The following MGAT5 variants were observed in gnomAD, a reference collection of about 807,000 sequenced individuals.
MGAT5 encodes the protein alpha-1,6-mannosylglycoprotein 6-beta-N-acetylglucosaminyltransferase.
A neutral mutation model predicts 94.3 loss-of-function variants in MGAT5; 30 were observed. That is an observed-to-expected ratio of 0.32 (90% CI 0.24 to 0.43). MGAT5 has a LOEUF of 0.43. MGAT5 is among the 20% of genes least tolerant of loss of function. The pLI, the probability that MGAT5 is intolerant of heterozygous loss-of-function variation, is 1.00. For synonymous variants in MGAT5, 310 were observed against 322.9 expected, an observed-to-expected ratio of 0.96 and a Z score of 0.43; for missense variants, 691 against 905.5, an observed-to-expected ratio of 0.76 and a Z score of 3.04.
intron 9 of MGAT5, among the ~76,000 whole-genome samples, chr2:134,351,985 T>A (rs1250510435): frequency 1.3e-5 from 2 of 152,174 alleles, no homozygotes; most frequent in African/African-American, 4.8e-5. Flanking sequence ...AATGCATTTT[T>A]AAACTGCACC....
intron 4 of MGAT5, chr2:134,319,633 G>T: frequency 4.3e-6 from 1 of 235,268 alleles, no homozygotes; most frequent in South Asian, 4.4e-5. Flanking sequence ...CCAAAACCTG[G>T]GAATGTGGGT....
chr2:134,153,339 C>T (rs1687315494), intron 1 of MGAT5, among the ~76,000 whole-genome samples: 1 of 152,154 alleles, frequency 6.6e-6, no homozygotes, highest in African/African-American at 2.4e-5. Flanking sequence ...AATCAGGAGA[C>T]CCTTGGTCTT....
chr2:134,311,223 T>C (rs4953911), intron 2 of MGAT5, among the ~76,000 whole-genome samples: 4 of 151,978 alleles, frequency 2.6e-5, no homozygotes, highest in Admixed American at 1.3e-4. Flanking sequence ...TTGAGGTTTC[T>C]GAGAGTTTTT....
At chr2:134,255,479 A>G (rs1054900233) in intron 1 of MGAT5, among the ~76,000 whole-genome samples, 2 of 144,108 alleles carry the variant, frequency 1.4e-5, no homozygotes, top group African/African-American at 5.0e-5. Flanking sequence ...ATATATATAC[A>G]TATATACATA....
chr2:134,122,688 TCTC>T (rs976048804), intron 1 of MGAT5, among the ~76,000 whole-genome samples: 46 of 152,354 alleles, frequency 3.0e-4, no homozygotes, highest in African/African-American at 1.0e-3. Flanking sequence ...TTTTCTTTCA[TCTC>T]CTCCTTTGTT....
chr2:134,266,398 T>C lies in MGAT5; in HGVS notation c.242-3988T>C, dbSNP rs186874915. ...ACCATGCCCAGCTATTTTTTGTATT[T>C]TTTGGAGAGACGGAGTTTCACCATG... On this transcript the variant is annotated intron_variant, in intron 1 of 15. Coordinates refer to ENST00000281923, the MANE Select transcript of MGAT5 (RefSeq NM_002410.5). 2.8e-4 allele frequency among the ~76,000 whole-genome samples: 42 copies of C among 152,136 alleles called. 1 individual carries two copies. The East Asian group carries it at 4.3e-3, about 16-fold the overall frequency.
At chr2:134,163,142 T>C (rs916672114) in intron 1 of MGAT5, among the ~76,000 whole-genome samples, 1 of 152,086 alleles carries the variant, frequency 6.6e-6, no homozygotes, top group African/African-American at 2.4e-5. Context: ...AGGAGATGTT[T>C]GAGTTATGCA....
chr2:134,156,866 A>T (rs767414629), intron 1 of MGAT5, among the ~76,000 whole-genome samples: 9 of 152,164 alleles, frequency 5.9e-5, no homozygotes, highest in Non-Finnish European at 1.2e-4. Flanking sequence ...CCAGAGTGCA[A>T]CTGGGACGTT....
intron 12 of MGAT5, among the ~76,000 whole-genome samples, chr2:134,416,473 A>ATTTTTTTTTTTTTTTTTT (rs1683974525): frequency 8.0e-6 from 1 of 124,584 alleles, no homozygotes; most frequent in African/African-American, 3.4e-5. Context: ...CTCATTCCTT[A>ATTTTTTTTTTTTTTTTTT]CTTTTTTTTT....
At chr2:134,309,450 T>G (rs181289694) in intron 2 of MGAT5, among the ~76,000 whole-genome samples, 2 of 152,350 alleles carry the variant, frequency 1.3e-5, no homozygotes, top group Admixed American at 1.3e-4. Flanking sequence ...GGTTCTACTT[T>G]CTTTACATCC....
intron 13 of MGAT5, among the ~76,000 whole-genome samples, chr2:134,427,719 T>C (rs889040217): frequency 2.0e-5 from 3 of 152,210 alleles, no homozygotes; most frequent in Admixed American, 6.5e-5. Context: ...AAGCCCAGCA[T>C]GAGTAGAAGT....
intron 1 of MGAT5, among the ~76,000 whole-genome samples, chr2:134,242,337 A>G (rs1043010749): frequency 1.3e-5 from 2 of 152,248 alleles, no homozygotes; most frequent in African/African-American, 4.8e-5. Flanking sequence ...AAGTAGGACC[A>G]GTTGTCCTAT....
At position 134,395,648 on chromosome 2, in the gene MGAT5, A is replaced by G. The variant is rs1239354471; in HGVS notation, c.1381-7340A>G. On this transcript the variant is annotated intron_variant, in intron 10 of 15. Coordinates refer to ENST00000281923, the MANE Select transcript of MGAT5 (RefSeq NM_002410.5). ...TTGTCTAAAAGAACCATTAAGTGGT[A>G]TTACTTCCTATTTATGGATGAGACA... Among the ~76,000 whole-genome samples the G allele has an allele frequency of 2.0e-5, 3 of 152,214 alleles. No homozygotes were observed. In the East Asian group the frequency reaches 5.8e-4, roughly 29 times the overall value.
At position 134,157,954 on chromosome 2, in the gene MGAT5, C is replaced by T. The variant is rs112939191; in HGVS notation, c.-143+37663C>T. Among the ~76,000 whole-genome samples, 925 of 152,326 alleles carry T rather than the reference C, an allele frequency of 6.1e-3. 6 individuals carry two copies. Among genetic ancestry groups the T allele is most frequent in the African/African-American group, 0.02 (844 of 41,580 alleles). ...TGTCCTGACAAGTCTGTTCAGTTCTCAGCTGAGGGGAGACCCACAGTGGGT... is the reference window on the plus strand; with the variant it reads ...TGTCCTGACAAGTCTGTTCAGTTCTTAGCTGAGGGGAGACCCACAGTGGGT... On this transcript the variant is annotated intron_variant, in intron 1 of 16. Transcript: ENST00000409645.
At chr2:134,442,996 T>G (rs3828184) in intron 15 of MGAT5, among the ~76,000 whole-genome samples, 9,241 of 152,224 alleles carry the variant, frequency 0.061, 361 homozygotes, top group South Asian at 0.13. Flanking sequence ...CTGTTCAGGC[T>G]TCACGCCCTG....
intron 1 of MGAT5, among the ~76,000 whole-genome samples, chr2:134,254,957 G>C (rs1042423703): frequency 6.6e-6 from 1 of 152,266 alleles, no homozygotes; most frequent in East Asian, 1.9e-4. Context: ...ATGTGGGAGT[G>C]AGTTCAGGGA....
intron 15 of MGAT5, among the ~76,000 whole-genome samples, chr2:134,446,815 G>A (rs139354837): frequency 1.2e-3 from 184 of 152,306 alleles, no homozygotes; most frequent in African/African-American, 4.2e-3. Context: ...TGCAGGAGGC[G>A]CCGCAGGCTC....
At chr2:134,131,694 C>T (rs1686180894) in intron 1 of MGAT5, among the ~76,000 whole-genome samples, 4 of 150,146 alleles carry the variant, frequency 2.7e-5, no homozygotes, top group South Asian at 2.1e-4. Context: ...TTCCTCCTTC[C>T]TTCTTCCCCC....
intron 9 of MGAT5, among the ~76,000 whole-genome samples, chr2:134,357,122 T>C (rs541016323): frequency 1.3e-5 from 2 of 152,368 alleles, no homozygotes; most frequent in Admixed American, 6.5e-5. Context: ...AGAAAGTCTT[T>C]TATTGATAGA....
Sources: gnomAD v4.1 joint callset for allele counts (sites outside exome capture counted in the v4.1 genomes callset) on GRCh38, gnomAD v4.1.1 for gene constraint, MANE v1.5 for transcripts, NCBI Gene and HGNC (gene_info 2026-07-23, HGNC 2026-07-21) for gene names.